The following CSMD1 variants were observed in gnomAD, a reference collection of about 807,000 sequenced individuals.
The protein encoded by CSMD1 is CUB and Sushi multiple domains 1.
In CSMD1, 213 loss-of-function variants were observed where a neutral mutation model predicts 417.5. The ratio of observed to expected loss-of-function variants is 0.51; its 90% CI spans 0.46 to 0.57. CSMD1 has a LOEUF of 0.57. CSMD1 is among the 20% of genes least tolerant of loss of function. The pLI, the probability that CSMD1 is intolerant of heterozygous loss-of-function variation, is 0.00. For synonymous variants in CSMD1, 2,862 were observed against 1,736.8 expected, an observed-to-expected ratio of 1.65 and a Z score of -16.11; for missense variants, 6,923 against 4,529.7, an observed-to-expected ratio of 1.53 and a Z score of -15.17.
At chr8:3,791,130 T>A (rs537188654) in intron 5 of CSMD1, among the ~76,000 whole-genome samples, 4 of 152,168 alleles carry the variant, frequency 2.6e-5, no homozygotes, top group African/African-American at 7.2e-5. Flanking sequence ...AAAGCTGGAG[T>A]GCATGACAAA....
At chr8:3,809,290 C>G (rs1237202123) in intron 5 of CSMD1, among the ~76,000 whole-genome samples, 4 of 152,178 alleles carry the variant, frequency 2.6e-5, no homozygotes, top group African/African-American at 9.7e-5. Flanking sequence ...TATCACAACA[C>G]AATGCACCTT....
intron 23 of CSMD1, among the ~76,000 whole-genome samples, chr8:3,320,139 G>T (rs147693199): frequency 1.3e-5 from 2 of 152,300 alleles, no homozygotes; most frequent in African/African-American, 2.4e-5. Context: ...GTTTGTCTGT[G>T]CTGTCCCATA....
At chr8:4,657,810 G>A (rs949494385) in intron 1 of CSMD1, among the ~76,000 whole-genome samples, 1 of 150,730 alleles carries the variant, frequency 6.6e-6, no homozygotes, top group African/African-American at 2.4e-5. Context: ...CACCCAAATA[G>A]CTAAAGGAAA....
At chr8:3,039,881 C>T (rs979141871) in intron 50 of CSMD1, among the ~76,000 whole-genome samples, 9 of 152,082 alleles carry the variant, frequency 5.9e-5, no homozygotes, top group African/African-American at 2.2e-4. Flanking sequence ...TTTGCCGTCC[C>T]CAATATCAAA....
intron 10 of CSMD1, among the ~76,000 whole-genome samples, chr8:3,495,345 G>A (rs527301565): frequency 1.3e-5 from 2 of 152,274 alleles, no homozygotes; most frequent in East Asian, 3.9e-4. Context: ...TAAAGTTCTG[G>A]TGGGAAGCGA....
chr8:4,301,890 C>T (rs902164775), intron 3 of CSMD1, among the ~76,000 whole-genome samples: 18 of 149,394 alleles, frequency 1.2e-4, no homozygotes, highest in African/African-American at 4.0e-4. Flanking sequence ...TTGTTGTTCT[C>T]ACTTCAAGTT....
At chr8:2,967,474 A>G (rs949600897) in intron 57 of CSMD1, among the ~76,000 whole-genome samples, 1 of 152,182 alleles carries the variant, frequency 6.6e-6, no homozygotes, top group Non-Finnish European at 1.5e-5. Context: ...TAGTCAGTAA[A>G]CAAAAGCAAG....
chr8:4,096,526 C>G (rs750827027), intron 3 of CSMD1, among the ~76,000 whole-genome samples: 1 of 152,102 alleles, frequency 6.6e-6, no homozygotes, highest in Non-Finnish European at 1.5e-5. Context: ...TTAGAAAAAA[C>G]TGAGAATGTT....
intron 3 of CSMD1, among the ~76,000 whole-genome samples, chr8:4,045,107 C>G (rs752650860): frequency 2.1e-4 from 32 of 152,262 alleles, no homozygotes; most frequent in Non-Finnish European, 3.5e-4. Context: ...CAGGGAGACA[C>G]TGAACATGGC....
At chr8:4,351,352 G>C (rs1486225648) in intron 3 of CSMD1, among the ~76,000 whole-genome samples, 1 of 152,150 alleles carries the variant, frequency 6.6e-6, no homozygotes, top group Non-Finnish European at 1.5e-5. Context: ...AAAATTTGAG[G>C]CATCTCCTTA....
chr8:4,149,650 G>A (rs1296568268), intron 3 of CSMD1, among the ~76,000 whole-genome samples: 3 of 152,198 alleles, frequency 2.0e-5, no homozygotes, highest in South Asian at 4.1e-4. Flanking sequence ...AACACCTACA[G>A]AATGGAGGAT....
chr8:4,695,674 T>C (rs908318531), intron 1 of CSMD1, among the ~76,000 whole-genome samples: 2 of 152,162 alleles, frequency 1.3e-5, no homozygotes, highest in African/African-American at 2.4e-5. Flanking sequence ...TAGACCTAGG[T>C]TGATACATCA....
chr8:3,021,838 T>TGCAATCCCACAGCATCCGGAATGCACCC (rs1809433347), intron 51 of CSMD1, among the ~76,000 whole-genome samples: 2 of 120,150 alleles, frequency 1.7e-5, no homozygotes, highest in Non-Finnish European at 3.4e-5. Context: ...GGAATGCACC[T>TGCAATCCCACAGCATCCGGAATGCACCC]GCAATCCCAC....
chr8:3,150,919 C>A (rs1158357249), intron 40 of CSMD1, among the ~76,000 whole-genome samples: 1 of 151,804 alleles, frequency 6.6e-6, no homozygotes, highest in Admixed American at 6.6e-5. Flanking sequence ...ATTAAAAAAA[C>A]AACTTATTTA....
At chr8:4,652,667 G>A (rs1803974398) in intron 1 of CSMD1, among the ~76,000 whole-genome samples, 1 of 151,904 alleles carries the variant, frequency 6.6e-6, no homozygotes, top group Non-Finnish European at 1.5e-5. Flanking sequence ...TAAAAAAAAA[G>A]ACAGATTCGC....
chr8:4,241,040 C>A (rs764581790), intron 3 of CSMD1, among the ~76,000 whole-genome samples: 1 of 152,162 alleles, frequency 6.6e-6, no homozygotes, highest in Non-Finnish European at 1.5e-5. Flanking sequence ...ATTTCTTAGT[C>A]TTTTAATGAA....
chr8:4,973,816 C>T (rs541377702), intron 1 of CSMD1, among the ~76,000 whole-genome samples: 2 of 152,144 alleles, frequency 1.3e-5, no homozygotes, highest in East Asian at 3.9e-4. Flanking sequence ...TGTTCCTGAA[C>T]TGAGTATAGG....
intron 3 of CSMD1, among the ~76,000 whole-genome samples, chr8:4,354,331 C>T (rs556103495): frequency 6.6e-6 from 1 of 152,256 alleles, no homozygotes; most frequent in Non-Finnish European, 1.5e-5. Flanking sequence ...ACTGTATAAT[C>T]TCTTTTGAGG....
intron 1 of CSMD1, among the ~76,000 whole-genome samples, chr8:4,774,040 A>G (rs1488656426): frequency 6.6e-6 from 1 of 152,064 alleles, no homozygotes; most frequent in Non-Finnish European, 1.5e-5. Context: ...TACTAAAAAT[A>G]CAAAATATTA....
Sources: allele counts gnomAD v4.1 joint callset (sites outside exome capture counted in the v4.1 genomes callset), GRCh38; gene constraint gnomAD v4.1.1; transcripts MANE v1.5; gene names NCBI Gene and HGNC (gene_info 2026-07-23, HGNC 2026-07-21).